The following RBFOX1 variants were observed in gnomAD, a reference collection of about 807,000 sequenced individuals.
RBFOX1 encodes the protein RNA binding protein fox-1 homolog 1.
RBFOX1 carries 8 observed loss-of-function variants against 57.7 expected under a neutral mutation model. The ratio of observed to expected loss-of-function variants is 0.14; its 90% confidence interval spans 0.08 to 0.25. The LOEUF is 0.25. Among genes scored for constraint, RBFOX1 ranks in the 10% least tolerant of loss-of-function variants. The pLI, the probability that RBFOX1 is intolerant of heterozygous loss-of-function variation, is 1.00. For synonymous variants in RBFOX1, 326 were observed against 222.4 expected (o/e 1.47, Z -4.15); for missense variants, 611 against 548.5 (o/e 1.11, Z -1.14).
intron 3 of RBFOX1, among the ~76,000 whole-genome samples, chr16:5,678,771 T>A (rs1379435505): frequency 1.3e-5 from 2 of 152,228 alleles, no homozygotes. Flanking sequence ...TGGCATTGTG[T>A]GTAGAGTGGT....
intron 1 of RBFOX1, among the ~76,000 whole-genome samples, chr16:5,409,330 C>A (rs568506827): frequency 6.6e-6 from 1 of 152,196 alleles, no homozygotes; most frequent in Non-Finnish European, 1.5e-5. Flanking sequence ...AGCTCACTGA[C>A]CTCCTTCAAG....
chr16:6,700,363 A>G (rs1048115804), intron 3 of RBFOX1, among the ~76,000 whole-genome samples: 10 of 104,376 alleles, frequency 9.6e-5, no homozygotes, highest in Non-Finnish European at 2.2e-4. Context: ...AAAACAAAAA[A>G]AAAAAGAATT....
At chr16:7,014,132 T>TA (rs969030790) in intron 3 of RBFOX1, among the ~76,000 whole-genome samples, 3 of 152,182 alleles carry the variant, frequency 2.0e-5, no homozygotes, top group Non-Finnish European at 2.9e-5. Flanking sequence ...GTATGCAGAA[T>TA]AAATGCTCAA....
At chr16:6,026,445 C>T (rs2095196274) in intron 1 of RBFOX1, among the ~76,000 whole-genome samples, 1 of 152,214 alleles carries the variant, frequency 6.6e-6, no homozygotes, top group Non-Finnish European at 1.5e-5. Flanking sequence ...GTAAGAGGCA[C>T]TTCCAAGATT....
chr16:5,829,867 CAG>C (rs905917916), intron 3 of RBFOX1, among the ~76,000 whole-genome samples: 2 of 152,232 alleles, frequency 1.3e-5, no homozygotes, highest in Middle Eastern at 3.4e-3. Context: ...GAAACAAAAA[CAG>C]GGGGGAAGAA....
chr16:6,547,680 A>C (rs1194295237), intron 2 of RBFOX1, among the ~76,000 whole-genome samples: 1 of 152,144 alleles, frequency 6.6e-6, no homozygotes, highest in African/African-American at 2.4e-5. Context: ...GAGGTTTGTA[A>C]TAAGATAGCT....
chr16:6,162,316 A>G (rs924921232), intron 1 of RBFOX1, among the ~76,000 whole-genome samples: 1 of 152,086 alleles, frequency 6.6e-6, no homozygotes, highest in African/African-American at 2.4e-5. Flanking sequence ...GGGTTTCACC[A>G]TGTTGGCAGG....
chr16:7,561,849 T>C (rs1040532968), intron 5 of RBFOX1, among the ~76,000 whole-genome samples: 1 of 152,224 alleles, frequency 6.6e-6, no homozygotes, highest in Non-Finnish European at 1.5e-5. Context: ...AATTGCCATT[T>C]GGTTCATTTA....
chr16:6,747,500 C>T (rs1242501536), intron 3 of RBFOX1, among the ~76,000 whole-genome samples: 1 of 152,112 alleles, frequency 6.6e-6, no homozygotes, highest in Non-Finnish European at 1.5e-5. Context: ...ATCTGTCTTA[C>T]TGGTTTACTT....
At chr16:6,450,298 A>G (rs1437681646) in intron 2 of RBFOX1, among the ~76,000 whole-genome samples, 2 of 152,286 alleles carry the variant, frequency 1.3e-5, no homozygotes, top group East Asian at 1.9e-4. Flanking sequence ...CTCCCGATAA[A>G]GAGAGTGGGT....
chr16:7,593,562 GGTAATTTGGTTCAATCCCCTAAA>G (rs2094547829), intron 7 of RBFOX1, among the ~76,000 whole-genome samples: 1 of 152,138 alleles, frequency 6.6e-6, no homozygotes, highest in Non-Finnish European at 1.5e-5. Context: ...GATTATGGAA[GGTAATTTGGTTCAATCCCCTAAA>G]GTAAAGAAAC....
At chr16:6,763,538 G>C (rs915532611) in intron 3 of RBFOX1, among the ~76,000 whole-genome samples, 4 of 152,200 alleles carry the variant, frequency 2.6e-5, no homozygotes, top group African/African-American at 7.2e-5. Context: ...TAGCAACAGA[G>C]AAAATGAGTT....
chr16:6,224,039 C>G (rs2097397586), intron 1 of RBFOX1, among the ~76,000 whole-genome samples: 1 of 152,134 alleles, frequency 6.6e-6, no homozygotes, highest in African/African-American at 2.4e-5. Flanking sequence ...TCTGAGGGCT[C>G]TGTTCTGTTC....
chr16:6,400,207 A>G (rs560674783), intron 2 of RBFOX1, among the ~76,000 whole-genome samples: 1 of 152,202 alleles, frequency 6.6e-6, no homozygotes, highest in East Asian at 1.9e-4. Context: ...CATGTTGGGT[A>G]TGAAATCTTA....
At position 7,109,910 on chromosome 16, in the gene RBFOX1, C is replaced by A. The variant is rs140797783; in HGVS notation, c.27+57812C>A. On this transcript the variant is annotated intron_variant, in intron 4 of 15. Transcript: ENST00000550418. The stretch of plus-strand genomic sequence containing the variant: ...CATTTCATGCAAGGGAAAGAGCCCC[C>A]TATCAGGTAATCTCACAGACAAATA... Among the ~76,000 whole-genome samples, 55 of 152,142 alleles carry A rather than the reference C, an allele frequency of 3.6e-4. No individual in the cohort carries two copies. The East Asian group carries it at 0.011, about 30-fold the overall frequency.
At chr16:6,471,408 C>A (rs1290578726) in intron 2 of RBFOX1, among the ~76,000 whole-genome samples, 1 of 152,082 alleles carries the variant, frequency 6.6e-6, no homozygotes, top group Non-Finnish European at 1.5e-5. Flanking sequence ...TATTATAATA[C>A]TTGTTTGTTA....
At chr16:5,856,205 A>ATATG (rs2057038466) in intron 3 of RBFOX1, among the ~76,000 whole-genome samples, 1 of 43,270 alleles carries the variant, frequency 2.3e-5, no homozygotes, top group African/African-American at 7.3e-5. Context: ...ATATATATAT[A>ATATG]TACATATATA....
chr16:6,569,265 A>C (rs895882785), intron 2 of RBFOX1, among the ~76,000 whole-genome samples: 2 of 152,210 alleles, frequency 1.3e-5, no homozygotes, highest in African/African-American at 4.8e-5. Context: ...TAGCCTCTCA[A>C]AACAACAAAC....
At chr16:6,998,284 A>G (rs2092441560) in intron 3 of RBFOX1, among the ~76,000 whole-genome samples, 1 of 152,222 alleles carries the variant, frequency 6.6e-6, no homozygotes, top group Non-Finnish European at 1.5e-5. Context: ...AAACTGGCTT[A>G]GGAGAGGAGA....
Sources: gnomAD v4.1 joint callset for allele counts (sites outside exome capture counted in the v4.1 genomes callset) on GRCh38, gnomAD v4.1.1 for gene constraint, MANE v1.5 for transcripts, NCBI Gene and HGNC (gene_info 2026-07-23, HGNC 2026-07-21) for gene names.